The following LRP1 variants were observed in gnomAD, a reference collection of about 807,000 sequenced individuals.
LRP1 encodes the protein prolow-density lipoprotein receptor-related protein 1.
Under a neutral mutation model 541.5 loss-of-function variants are expected in LRP1, and 51 were observed. The ratio of observed to expected loss-of-function variants is 0.09; its 90% CI spans 0.08 to 0.12. The LOEUF is 0.12. Ranked by LOEUF, LRP1 falls within the 10% of genes least tolerant of loss-of-function variation. LRP1 has a pLI of 1.00. For missense variants in LRP1, 3,878 were observed against 6,376.2 expected, an observed-to-expected ratio of 0.61 and a Z score of 13.34; for synonymous variants, 2,219 against 2,470.8, an observed-to-expected ratio of 0.90 and a Z score of 3.02.
At chr12:57,140,767 C>G (rs2035271997) in intron 2 of LRP1, among the ~76,000 whole-genome samples, 1 of 152,198 alleles carries the variant, frequency 6.6e-6, no homozygotes, top group African/African-American at 2.4e-5. Flanking sequence ...AGATCTCGCT[C>G]TGTCGCCCAC....
intron 2 of LRP1, among the ~76,000 whole-genome samples, chr12:57,139,687 G>A (rs34656298): frequency 0.01 from 1,561 of 152,154 alleles, 7 homozygotes; most frequent in Non-Finnish European, 0.017. Context: ...TGGCACTGAT[G>A]AGCCCACCTC....
intron 6 of LRP1, among the ~76,000 whole-genome samples, chr12:57,151,857 GGA>G (rs1253909191): frequency 6.6e-6 from 1 of 152,192 alleles, no homozygotes; most frequent in African/African-American, 2.4e-5. Context: ...CTGAACTTTA[GGA>G]GAGAGAAAAA....
At position 57,173,373 on chromosome 12, in the gene LRP1, G is replaced by T. The variant is rs202043890; in HGVS notation, c.3346+23G>T. ...CAGGTGAAGAGGATGGTTGGAGGGCGTCTGGAACAGCACAATGTGGGCAGG... is the reference window on the plus strand; with the variant it reads ...CAGGTGAAGAGGATGGTTGGAGGGCTTCTGGAACAGCACAATGTGGGCAGG... On this transcript the variant is annotated intron_variant, in intron 21 of 88. Coordinates refer to ENST00000243077, the MANE Select transcript of LRP1 (RefSeq NM_002332.3). This position sits in a 1 kb window ranked among gnomAD's most constrained non-coding sequence, Gnocchi z 4.7. 2 of 1,606,800 alleles carry T rather than the reference G, an allele frequency of 1.2e-6. No homozygotes were observed. The highest frequency in any genetic ancestry group is 4.5e-5 in the East Asian group (2 of 44,768).
rs1224050076 is a variant in LRP1, at chr12:57,211,442, A to C, written c.13092-45A>C. 2.4e-5 allele frequency: 38 copies of C among 1,609,686 alleles called. No individual in the cohort carries two copies. Among genetic ancestry groups the C allele is most frequent in the Non-Finnish European group, 3.1e-5 (37 of 1,178,290 alleles). On this transcript the variant is annotated intron_variant, in intron 84 of 88. Coordinates refer to ENST00000243077, the MANE Select transcript of LRP1 (RefSeq NM_002332.3). The surrounding 1 kb of genome is among the most constrained non-coding windows in gnomAD (Gnocchi z 4.3). Reference sequence around the variant, plus strand: ...CCCTCCCTTCCTCAGCATCCCAGGCACGCCTCTGCCAGCCCCAGCCCCAGC... The same window carrying C: ...CCCTCCCTTCCTCAGCATCCCAGGCCCGCCTCTGCCAGCCCCAGCCCCAGC...
rs1386803929 is a variant in LRP1 at position 57,173,819 on chromosome 12, A to G, written c.3386A>G (p.Asn1129Ser). The change falls in exon 22 of 89, where the codon AAT becomes AGT. Residue 1129 changes from asparagine to serine, a missense_variant. Physicochemically the swap from Asn to Ser is conservative, Grantham distance 46 (BLOSUM62 1). Around this residue, in one of 13 missense-constraint regions of LRP1, gnomAD observed 320 missense variants for 547.9 expected, o/e 0.58. Coordinates refer to ENST00000243077, the MANE Select transcript of LRP1 (RefSeq NM_002332.3). This position sits in a 1 kb window ranked among gnomAD's most constrained non-coding sequence, Gnocchi z 4.7. ...ISKAWVCDGD[N>S]DCEDNSDEEN... ...AAAGCGTGGGTGTGTGATGGCGACA[A>G]TGACTGTGAGGATAACTCGGACGAG... 3 of 1,614,186 alleles carry G rather than the reference A, an allele frequency of 1.9e-6. No individual in the cohort carries two copies. Among genetic ancestry groups the G allele is most frequent in the South Asian group, 1.1e-5 (1 of 91,086 alleles).
intron 6 of LRP1, among the ~76,000 whole-genome samples, chr12:57,153,112 T>C (rs1317927845): frequency 2.0e-5 from 3 of 152,168 alleles, no homozygotes. Flanking sequence ...GGGGAAACTG[T>C]TGGAGATGGA....
At chr12:57,147,432 C>T (rs1368460452) in intron 6 of LRP1, 1 of 152,232 alleles carries the variant, frequency 6.6e-6, no homozygotes, top group Non-Finnish European at 1.5e-5. Context: ...TGGTCCCAGG[C>T]ACTCACCTGC....
chr12:57,162,422 C>T lies in LRP1; in HGVS notation c.2308C>T (p.Arg770Trp), dbSNP rs41291999. 2.3e-3 allele frequency: 3,761 copies of T among 1,614,150 alleles called. 8 individuals are homozygous for T. Among genetic ancestry groups the T allele is most frequent in the Non-Finnish European group, 3.0e-3 (3,569 of 1,180,012 alleles). The change falls in exon 14 of 89, where the codon CGG becomes TGG. Residue 770 changes from arginine to tryptophan, a missense_variant. Arg to Trp is a moderately radical substitution (Grantham distance 101). This residue lies in a region of LRP1 where 496 missense variants were observed against 861.0 expected (regional missense o/e 0.58). Coordinates refer to ENST00000243077, the MANE Select transcript of LRP1 (RefSeq NM_002332.3). This position sits in a 1 kb window ranked among gnomAD's most constrained non-coding sequence, Gnocchi z 5.2. ...YRSGSVYRLE[R>W]GVGGAPPTVT... ...GAGTGGCAGTGTCTACCGCTTGGAA[C>T]GGGGTGTAGGAGGCGCACCCCCCAC...
chr12:57,212,351 G>A lies in LRP1; in HGVS notation c.13495-64G>A. 6.2e-7 allele frequency: 1 copy of A among 1,613,580 alleles called. No individual in the cohort carries two copies. Among genetic ancestry groups the A allele is most frequent in the Non-Finnish European group, 8.5e-7 (1 of 1,179,820 alleles). ...GGTTAGGTGAGGGACGGAGGTGGGG[G>A]TGGGGTAACCTGGGCTACAGGCCCA... On this transcript the variant is annotated intron_variant, in intron 88 of 88. Transcript: ENST00000243077. The surrounding 1 kb of genome is among the most constrained non-coding windows in gnomAD (Gnocchi z 5.0).
rs1376154502 is a variant in LRP1 at position 57,177,756 on chromosome 12, G to T, written c.4361+165G>T. Among the ~76,000 whole-genome samples, 1 of 152,110 alleles carries T rather than the reference G, an allele frequency of 6.6e-6. No homozygotes were observed. The highest frequency in any genetic ancestry group is 1.9e-4 in the East Asian group (1 of 5,188). Reference sequence around the variant, plus strand: ...GAGGAGGACGGAGGGGCGTGGGGAGGCCAGGGCCGAGGGGAGGGGGCAGGT... The same window carrying T: ...GAGGAGGACGGAGGGGCGTGGGGAGTCCAGGGCCGAGGGGAGGGGGCAGGT... On this transcript the variant is annotated intron_variant, in intron 26 of 88. Transcript: ENST00000243077. The surrounding 1 kb of genome is among the most constrained non-coding windows in gnomAD (Gnocchi z 6.8).
rs2036378251 is a variant in LRP1, at chr12:57,191,487, C to T, written c.7404C>T (p.Ile2468=). 7 of 1,598,272 alleles carry T rather than the reference C, an allele frequency of 4.4e-6. No homozygotes were observed. The highest frequency in any genetic ancestry group is 2.7e-5 in the African/African-American group (2 of 74,546). The change falls in exon 44 of 89, where the codon ATC becomes ATT. Residue 2468 remains isoleucine, a synonymous_variant. Transcript: ENST00000243077. ...VDIPQQPMGI[I]AVANDTNSCE... ...TCCCCCAGCAGCCCATGGGCATCAT[C>T]GCCGTGGCCAACGACACCAACAGCT...
Position 57,162,906 on chromosome 12 carries a change from G to T in LRP1, c.2453G>T (p.Cys818Phe). ...RVNNGGCSSL[C>F]LATPGSRQCA... The stretch of plus-strand genomic sequence containing the variant: ...AACAATGGCGGCTGCAGCAGCCTGT[G>T]CTTGGCCACCCCTGGGAGCCGCCAG... Residue 818 changes from cysteine to phenylalanine, a missense_variant, in exon 15 of 89, where the codon TGC becomes TTC. By Grantham distance (205) the Cys-to-Phe change is radical (BLOSUM62 -2). Coordinates refer to ENST00000243077, the MANE Select transcript of LRP1 (RefSeq NM_002332.3). The surrounding 1 kb of genome is among the most constrained non-coding windows in gnomAD (Gnocchi z 5.2). The T allele has an allele frequency of 6.2e-7, 1 of 1,609,186 alleles. No homozygotes were observed.
At position 57,156,823 on chromosome 12, in the gene LRP1, C is replaced by T. The variant is rs547410346; in HGVS notation, c.1464C>T (p.Gly488=). 40 of 1,608,930 alleles carry T rather than the reference C, an allele frequency of 2.5e-5. No homozygotes were observed. In the East Asian group the frequency reaches 8.3e-4, roughly 33 times the overall value. The stretch of plus-strand genomic sequence containing the variant: ...ACGACCAGTATGGGAAGCCGGGTGG[C>T]TGCTCTGACATCTGCCTGCTGGCCA... The part of the protein sequence containing the change: ...CENDQYGKPG[G]CSDICLLANS... The change falls in exon 10 of 89, where the codon GGC becomes GGT. Residue 488 remains glycine, a synonymous_variant. Coordinates refer to ENST00000243077, the MANE Select transcript of LRP1 (RefSeq NM_002332.3). The surrounding 1 kb of genome is among the most constrained non-coding windows in gnomAD (Gnocchi z 5.2).
rs141210588 is a variant in LRP1, at chr12:57,173,306, C to T, written c.3302C>T (p.Thr1101Ile). The T allele has an allele frequency of 6.2e-7, 1 of 1,613,932 alleles. No individual in the cohort carries two copies. Among genetic ancestry groups the T allele is most frequent in the African/African-American group, 1.3e-5 (1 of 74,924 alleles). ...GATGAGAAGAGCTGTGAGGGAGTGA[C>T]CCACGTCTGCGATCCCAGTGTCAAG... ...SSDEKSCEGVTHVCDPSVKFG... is the reference protein window; with the variant it reads ...SSDEKSCEGVIHVCDPSVKFG... The change falls in exon 21 of 89, where the codon ACC becomes ATC. Residue 1101 changes from threonine to isoleucine, a missense_variant. Transcript: ENST00000243077. The surrounding 1 kb of genome is among the most constrained non-coding windows in gnomAD (Gnocchi z 4.7).
chr12:57,188,347 T>A (rs2036310279), intron 42 of LRP1, among the ~76,000 whole-genome samples: 1 of 152,230 alleles, frequency 6.6e-6, no homozygotes, highest in South Asian at 2.1e-4. Flanking sequence ...AAAGCTTTAC[T>A]AGGAAACTAG....
Position 57,183,876 on chromosome 12 carries a change from C to T in LRP1, c.5896C>T (p.Arg1966Cys), listed in dbSNP as rs182778466. 3 of 1,614,166 alleles carry T rather than the reference C, an allele frequency of 1.9e-6. No individual in the cohort carries two copies. The highest frequency in any genetic ancestry group is 1.7e-5 in the Admixed American group (1 of 60,026). The change falls in exon 36 of 89, where the codon CGT becomes TGT. Residue 1966 changes from arginine (R) to cysteine (C), a missense_variant. By Grantham distance (180) the Arg-to-Cys change is radical (BLOSUM62 -3). Around this residue, in one of 13 missense-constraint regions of LRP1, gnomAD observed 394 missense variants for 635.9 expected, o/e 0.62. Coordinates refer to ENST00000243077, the MANE Select transcript of LRP1 (RefSeq NM_002332.3). The surrounding 1 kb of genome is among the most constrained non-coding windows in gnomAD (Gnocchi z 6.1). ...REDVVTNGIG[R>C]VEGIAVDWIA... ...AGACGTGGTGACCAATGGCATTGGC[C>T]GTGTGGAGGGCATTGCAGTGGACTG...
chr12:57,200,826 GCCCGC>G lies in LRP1; in HGVS notation c.10225+14_10225+18del. Reference sequence around the variant, plus strand: ...ACGAGGCCAACTGTGGTAAGGCGCTGCCCGCCCACCCTCCCTCCTTCCCCAGCATC... The same window carrying G: ...ACGAGGCCAACTGTGGTAAGGCGCTGCCACCCTCCCTCCTTCCCCAGCATC... On this transcript the variant is annotated intron_variant, in intron 64 of 88. Coordinates refer to ENST00000243077, the MANE Select transcript of LRP1 (RefSeq NM_002332.3). The G allele has an allele frequency of 6.3e-7, 1 of 1,581,432 alleles. No individual in the cohort carries two copies.
At chr12:57,129,186 G>A (rs1422628230) in intron 1 of LRP1, 155 bp downstream of exon 1, 2 of 799,640 alleles carry the variant, frequency 2.5e-6, no homozygotes, top group Admixed American at 2.3e-5. Flanking sequence ...GGGCGGGGAT[G>A]GGGTCCGATT....
At chr12:57,202,785 G>A (rs1013834179) in intron 68 of LRP1, 10 of 587,626 alleles carry the variant, frequency 1.7e-5, no homozygotes, top group Admixed American at 2.9e-5. Context: ...TGATGTGCCC[G>A]TGCTCCCACC....
Sources: gnomAD v4.1 joint callset for allele counts (sites outside exome capture counted in the v4.1 genomes callset) on GRCh38, gnomAD v4.1.1 for gene constraint, gnomAD v4.1.1 regional missense constraint, Gnocchi (gnomAD v3.1) non-coding constraint, MANE v1.5 for transcripts, NCBI Gene and HGNC (gene_info 2026-07-23, HGNC 2026-07-21) for gene names.